Variants in NUP214 observed in about 807,000 individuals in gnomAD.
NUP214 encodes nuclear pore complex protein Nup214.
A neutral mutation model predicts 196.2 loss-of-function variants in NUP214; 79 were observed. The observed-to-expected ratio is 0.40, with a 90% CI of 0.34 to 0.49. NUP214 has a LOEUF of 0.49. Among genes scored for constraint, NUP214 ranks in the 20% least tolerant of loss-of-function variants. NUP214 has a pLI of 0.58. For missense variants in NUP214, 2,468 were observed against 2,539.0 expected (o/e 0.97, Z 0.60); for synonymous variants, 1,020 against 990.5 (o/e 1.03, Z -0.56).
At position 131,164,139 on chromosome 9, in the gene NUP214, C is replaced by T. The variant is rs1384688434; in HGVS notation, c.2888C>T (p.Ala963Val). The T allele has an allele frequency of 1.2e-6, 2 of 1,613,976 alleles. No individual in the cohort carries two copies. The highest frequency in any genetic ancestry group is 1.1e-5 in the South Asian group (1 of 91,072). ...AAGACCCCACCAGTGAGATCCACTGCTCCAGGTAAAGAGAACCAGTAACTG... is the reference window on the plus strand; with the variant it reads ...AAGACCCCACCAGTGAGATCCACTGTTCCAGGTAAAGAGAACCAGTAACTG... ...KRKTPPVRST[A>V]PASLSRSAFL... The change falls in exon 21 of 36, where the codon GCT becomes GTT. Residue 963 changes from alanine to valine, a missense_variant. Physicochemically the swap from Ala to Val is moderately conservative, Grantham distance 64. This residue lies in a region of NUP214 where 1,801 missense variants were observed against 1,779.4 expected (regional missense o/e 1.01). Coordinates refer to ENST00000359428, the MANE Select transcript of NUP214 (RefSeq NM_005085.4).
Position 131,197,233 on chromosome 9 carries a change from A to G in NUP214, c.3739A>G (p.Lys1247Glu). The part of the protein sequence containing the change: ...TAAQGATPST[K>E]ESSQPDAFSS... ...CTTGCTAGGGGCAACACCCTCCACTAAAGAGTCAAGCCAGCCGGACGCATT... is the reference window on the plus strand; with the variant it reads ...CTTGCTAGGGGCAACACCCTCCACTGAAGAGTCAAGCCAGCCGGACGCATT... The change falls in exon 29 of 36, where the codon AAA (lysine) becomes GAA (glutamate). Residue 1247 changes from lysine (K) to glutamate (E), a missense_variant. Lys to Glu is a moderately conservative substitution (Grantham distance 56). Transcript: ENST00000359428. 1 of 1,614,146 alleles carries G rather than the reference A, an allele frequency of 6.2e-7. No homozygotes were observed.
intron 11 of NUP214, among the ~76,000 whole-genome samples, 183 bp downstream of exon 11, chr9:131,140,893 C>T (rs2281900): frequency 0.24 from 37,258 of 152,084 alleles, 4,670 homozygotes; most frequent in East Asian, 0.42. Context: ...CCCCTACCCT[C>T]AAGCTTTATT....
chr9:131,198,508 C>T lies in NUP214; in HGVS notation c.5014C>T (p.Pro1672Ser), dbSNP rs1833856990. Reference sequence around the variant, plus strand: ...CACAGCCACTGCCCCCTCTGCCACGCCCGTGTTTGGGCAAGTGGCAGCCAG... The same window carrying T: ...CACAGCCACTGCCCCCTCTGCCACGTCCGTGTTTGGGCAAGTGGCAGCCAG... Reference protein sequence around the residue: ...NNTATAPSATPVFGQVAASTA... With the variant: ...NNTATAPSATSVFGQVAASTA... Residue 1672 changes from proline to serine, a missense_variant, in exon 29 of 36, where the codon CCC becomes TCC. By Grantham distance (74) the Pro-to-Ser change is moderately conservative. Coordinates refer to ENST00000359428, the MANE Select transcript of NUP214 (RefSeq NM_005085.4). 6.2e-7 allele frequency: 1 copy of T among 1,614,256 alleles called. No homozygotes were observed. Among genetic ancestry groups the T allele is most frequent in the Admixed American group, 1.7e-5 (1 of 60,032 alleles).
In NUP214 at chr9:131,184,517, G is replaced by T. The variant is rs551990032; in HGVS notation, c.3420-2772G>T. Among the ~76,000 whole-genome samples the T allele has an allele frequency of 9.0e-4, 136 of 151,674 alleles. 1 individual carries two copies. The highest frequency in any genetic ancestry group is 6.8e-3 in the Middle Eastern group (2 of 292). On this transcript the variant is annotated intron_variant, in intron 24 of 35. Transcript: ENST00000359428. ...CCTGGCTAATTTTTTTGTATTTTTA[G>T]TAGAGACGGAGTTTCACCATGTTGG...
chr9:131,144,536 A>G lies in NUP214; in HGVS notation c.1551A>G (p.Pro517=). The change falls in exon 12 of 36, where the codon CCA becomes CCG. Residue 517 remains proline (P), a synonymous_variant. Transcript: ENST00000359428. ...DSSKAAPGPG[P]STFSFVPPSK... ...CCAAAGCAGCCCCAGGCCCTGGCCC[A>G]TCAACCTTCTCTTTTGTTCCCCCTT... The G allele has an allele frequency of 1.2e-6, 2 of 1,614,018 alleles. No homozygotes were observed. Among genetic ancestry groups the G allele is most frequent in the Non-Finnish European group, 8.5e-7 (1 of 1,179,986 alleles).
At chr9:131,188,382 A>G (rs1833513836) in intron 25 of NUP214, among the ~76,000 whole-genome samples, 1 of 151,780 alleles carries the variant, frequency 6.6e-6, no homozygotes, top group African/African-American at 2.4e-5. Flanking sequence ...TAGTGCTGAA[A>G]CTCTTCCTAA....
In NUP214 at chr9:131,232,402, C is replaced by A; in HGVS notation, c.6239+94C>A. ...TTGCTGGATTTGTGCATTTTCTTTT[C>A]GTTTTTTCCTGTTTTTAGAGTTTGT... On this transcript the variant is annotated intron_variant, in intron 35 of 35. Transcript: ENST00000359428. This position sits in a 1 kb window ranked among gnomAD's most constrained non-coding sequence, Gnocchi z 5.1. 7.4e-7 allele frequency: 1 copy of A among 1,348,598 alleles called. No homozygotes were observed. Among genetic ancestry groups the A allele is most frequent in the Non-Finnish European group, 1.1e-6 (1 of 940,830 alleles). The allele number at this position is 1,348,598 out of a possible 1,614,324, so 83.5% of individuals were successfully genotyped here. A position where few individuals can be genotyped will look rare whatever the true frequency, so the allele number is the denominator to read the frequency against.
At chr9:131,217,032 A>C (rs1834420486) in intron 31 of NUP214, among the ~76,000 whole-genome samples, 1 of 152,118 alleles carries the variant, frequency 6.6e-6, no homozygotes, top group Admixed American at 6.5e-5. Context: ...ATCATGAGCT[A>C]GTGTTCTGCA....
intron 30 of NUP214, among the ~76,000 whole-genome samples, chr9:131,212,401 C>T (rs946380489): frequency 6.6e-6 from 1 of 152,194 alleles, no homozygotes; most frequent in African/African-American, 2.4e-5. Flanking sequence ...ATACAACCCT[C>T]CCCTTTTGAA....
At chr9:131,152,680 G>C (rs1832309094) in intron 17 of NUP214, among the ~76,000 whole-genome samples, 1 of 152,218 alleles carries the variant, frequency 6.6e-6, no homozygotes, top group African/African-American at 2.4e-5. Flanking sequence ...AGGCTAAGTA[G>C]CTTGTCCAAA....
intron 29 of NUP214, 96 bp from the exon 30 acceptor site, chr9:131,201,551 G>A (rs1162026296): frequency 1.3e-5 from 12 of 925,972 alleles, no homozygotes; most frequent in African/African-American, 5.4e-5. Flanking sequence ...GTGACAGAGC[G>A]AGACTCTGCC....
intron 24 of NUP214, among the ~76,000 whole-genome samples, chr9:131,180,823 T>C (rs1389747210): frequency 6.6e-6 from 1 of 152,200 alleles, no homozygotes; most frequent in African/African-American, 2.4e-5. Context: ...CTTATTTTGG[T>C]GTGCATTCAT....
intron 21 of NUP214, among the ~76,000 whole-genome samples, chr9:131,168,338 AG>A (rs1832846468): frequency 6.6e-6 from 1 of 150,642 alleles, no homozygotes; most frequent in South Asian, 2.1e-4. Flanking sequence ...GAAACATTTA[AG>A]TTTGTCTTTC....
chr9:131,140,460 C>T lies in NUP214; in HGVS notation c.1133-89C>T, dbSNP rs182053621. ...CTGCTATTCAGATGAGTCCCTTAAA[C>T]CCTCTTCATGTTGAGGGCAGTCTTT... is the stretch of plus-strand genomic sequence containing the variant. On this transcript the variant is annotated intron_variant, in intron 10 of 35. Transcript: ENST00000359428. The T allele has an allele frequency of 8.8e-6, 10 of 1,131,854 alleles. No individual in the cohort carries two copies. In the African/African-American group the frequency reaches 1.6e-4, roughly 18 times the overall value. The allele number at this position is 1,131,854 out of a possible 1,614,324, so 70.1% of individuals were successfully genotyped here. A position where few individuals can be genotyped will look rare whatever the true frequency, so the allele number is the denominator to read the frequency against.
At position 131,233,769 on chromosome 9, in the gene NUP214, G is replaced by A. The variant is rs1470673210; in HGVS notation, c.*282G>A. 4.2e-6 allele frequency: 2 copies of A among 475,020 alleles called. No homozygotes were observed. The highest frequency in any genetic ancestry group is 3.8e-5 in the East Asian group (1 of 26,618). The allele number at this position is 475,020 out of a possible 1,614,324, so 29.4% of individuals were successfully genotyped here. On this transcript the variant is annotated 3_prime_UTR_variant, in exon 36 of 36. Transcript: ENST00000359428. ...TGCCCCGTTTCTGTGGCTCTGAGAA[G>A]CCAGCAGAGCCTCCATCAGCCAGAA...
rs1834359854 is a variant in NUP214, at chr9:131,215,285, T to A, written c.5666T>A (p.Leu1889His). 6.2e-7 allele frequency: 1 copy of A among 1,610,126 alleles called. No individual in the cohort carries two copies. The highest frequency in any genetic ancestry group is 1.7e-5 in the Admixed American group (1 of 59,680). ...TGRGGGFFSG[L>H]GGKPSQDAAN... ...AGAGGGGGAGGTTTCTTCAGTGGCC[T>A]TGGAGGAAAACCCAGTCAGGATGCA... The change falls in exon 31 of 36, where the codon CTT (leucine) becomes CAT (histidine). Residue 1889 changes from leucine to histidine, a missense_variant. Leu to His is a moderately conservative substitution (Grantham distance 99). This residue lies in a region of NUP214 where 262 missense variants were observed against 296.5 expected (regional missense o/e 0.88). Transcript: ENST00000359428.
chr9:131,136,900 T>C (rs1327193048), intron 9 of NUP214: 3 of 152,230 alleles, frequency 2.0e-5, no homozygotes, highest in Admixed American at 2.0e-4. Context: ...AGTGCACCCT[T>C]ATAAATAAGA....
rs1834954921 is a variant in NUP214 at position 131,234,232 on chromosome 9, G to A, written c.*745G>A. Reference sequence around the variant, plus strand: ...AGAAGACAGCCTTTATATTCTGTATGTGGCAGTGACATTGGTAGCCACACC... The same window carrying A: ...AGAAGACAGCCTTTATATTCTGTATATGGCAGTGACATTGGTAGCCACACC... On this transcript the variant is annotated 3_prime_UTR_variant, in exon 36 of 36. Transcript: ENST00000359428. The A allele has an allele frequency of 4.3e-6, 1 of 232,898 alleles. No individual in the cohort carries two copies. The allele number at this position is 232,898 out of a possible 1,614,324, so 14.4% of individuals were successfully genotyped here.
rs1831410960 is a variant in NUP214 at position 131,127,859 on chromosome 9, A to G, written c.241+140A>G. On this transcript the variant is annotated intron_variant, in intron 2 of 35. Transcript: ENST00000359428. ...GGTTGACTCCCAAGAAGATTAATGG[A>G]AGCCTTTCTAGGTTTTCTCCTTGGT... 4.7e-6 allele frequency: 3 copies of G among 644,812 alleles called. No homozygotes were observed. In the South Asian group the frequency reaches 6.1e-5, roughly 13 times the overall value. 39.9% of individuals were successfully genotyped at this position (644,812 alleles called of 1,614,324 possible).
Sources: allele counts gnomAD v4.1 joint callset (sites outside exome capture counted in the v4.1 genomes callset), GRCh38; gene constraint gnomAD v4.1.1; regional missense constraint gnomAD v4.1.1; non-coding constraint Gnocchi (gnomAD v3.1); transcripts MANE v1.5; gene names NCBI Gene and HGNC (gene_info 2026-07-23, HGNC 2026-07-21).